Variants in FBXL7 observed in about 807,000 individuals in gnomAD.
FBXL7 encodes F-box and leucine rich repeat protein 7, also known as F-box/LRR-repeat protein 7.
FBXL7 carries 12 observed loss-of-function variants against 38.3 expected under a neutral mutation model. The ratio of observed to expected loss-of-function variants is 0.31; its 90% CI spans 0.20 to 0.51. The LOEUF is 0.51. Among genes scored for constraint, FBXL7 ranks in the 20% least tolerant of loss-of-function variants. The probability of loss-of-function intolerance (pLI) is 0.98; values close to 1 mark genes in which losing one functional copy is unlikely to be tolerated. For missense variants in FBXL7, 567 were observed against 676.4 expected (o/e 0.84, Z 1.79); for synonymous variants, 297 against 300.9 (o/e 0.99, Z 0.13).
intron 2 of FBXL7, among the ~76,000 whole-genome samples, chr5:15,618,857 CT>C (rs1740534273): frequency 6.6e-6 from 1 of 152,082 alleles, no homozygotes; most frequent in African/African-American, 2.4e-5. Flanking sequence ...AATAATTCGA[CT>C]GAGGGACATA....
intron 2 of FBXL7, among the ~76,000 whole-genome samples, chr5:15,640,135 C>A: frequency 6.6e-6 from 1 of 152,206 alleles, no homozygotes; most frequent in Middle Eastern, 3.4e-3. Flanking sequence ...AGTATAATAC[C>A]ACACGTTGGG....
At chr5:15,934,697 A>G (rs1275770688) in intron 3 of FBXL7, among the ~76,000 whole-genome samples, 3 of 152,302 alleles carry the variant, frequency 2.0e-5, no homozygotes, top group South Asian at 2.1e-4. Flanking sequence ...CTGTTTTTCA[A>G]TGTAGGTATA....
At chr5:15,750,277 C>G (rs999522683) in intron 2 of FBXL7, among the ~76,000 whole-genome samples, 1 of 152,198 alleles carries the variant, frequency 6.6e-6, no homozygotes. Flanking sequence ...TAATAAATTA[C>G]TCAACATTTC....
chr5:15,774,420 G>A (rs1042195002), intron 2 of FBXL7, among the ~76,000 whole-genome samples: 1 of 152,112 alleles, frequency 6.6e-6, no homozygotes, highest in African/African-American at 2.4e-5. Flanking sequence ...GGGTGGGGGG[G>A]CTACCATATA....
chr5:15,689,004 A>G (rs897726710), intron 2 of FBXL7, among the ~76,000 whole-genome samples: 2 of 152,166 alleles, frequency 1.3e-5, no homozygotes, highest in Non-Finnish European at 1.5e-5. Flanking sequence ...AGACAGAGCC[A>G]GTGAATCAGG....
chr5:15,735,913 C>G (rs1467982514), intron 2 of FBXL7, among the ~76,000 whole-genome samples: 2 of 152,132 alleles, frequency 1.3e-5, no homozygotes, highest in African/African-American at 2.4e-5. Context: ...GGTTTATCAA[C>G]TTAGAGGTCA....
intron 1 of FBXL7, among the ~76,000 whole-genome samples, chr5:15,614,572 C>G (rs1444224081): frequency 6.6e-6 from 1 of 152,184 alleles, no homozygotes; most frequent in Non-Finnish European, 1.5e-5. Context: ...GCCCATCCAG[C>G]AGTAGTTTTC....
chr5:15,920,256 C>CAA (rs59381588), intron 2 of FBXL7, among the ~76,000 whole-genome samples: 18 of 140,172 alleles, frequency 1.3e-4, no homozygotes, highest in African/African-American at 3.1e-4. Flanking sequence ...GACTCCATCT[C>CAA]AAAAAAAAAA....
At chr5:15,882,745 C>T (rs1240906278) in intron 2 of FBXL7, among the ~76,000 whole-genome samples, 3 of 152,170 alleles carry the variant, frequency 2.0e-5, no homozygotes, top group Admixed American at 6.5e-5. Flanking sequence ...GGGCACAGTT[C>T]ATTCTCCTTG....
intron 2 of FBXL7, among the ~76,000 whole-genome samples, chr5:15,767,853 A>G (rs1736629106): frequency 2.0e-5 from 3 of 152,230 alleles, no homozygotes; most frequent in Admixed American, 6.5e-5. Flanking sequence ...TTGTTCATAA[A>G]ATGTCTTTAG....
intron 2 of FBXL7, among the ~76,000 whole-genome samples, chr5:15,691,447 G>A (rs374267646): frequency 1.4e-4 from 22 of 152,272 alleles, no homozygotes; most frequent in African/African-American, 4.6e-4. Context: ...CTAACCTGCC[G>A]TCATTTGGCT....
intron 2 of FBXL7, among the ~76,000 whole-genome samples, chr5:15,703,864 A>G (rs1272412334): frequency 6.6e-6 from 1 of 152,246 alleles, no homozygotes; most frequent in Non-Finnish European, 1.5e-5. Flanking sequence ...AATGAACTAA[A>G]GACACAAAAT....
chr5:15,738,391 C>T (rs371445906), intron 2 of FBXL7, among the ~76,000 whole-genome samples: 3 of 152,134 alleles, frequency 2.0e-5, no homozygotes, highest in East Asian at 3.8e-4. Context: ...ATTGTAAGCC[C>T]TGATGTTTCA....
intron 2 of FBXL7, among the ~76,000 whole-genome samples, chr5:15,808,577 C>G (rs533939172): frequency 5.9e-5 from 9 of 152,282 alleles, no homozygotes; most frequent in African/African-American, 2.2e-4. Flanking sequence ...ACTTCTGTCC[C>G]TTTCTCTTCC....
chr5:15,713,882 G>A (rs922323237), intron 2 of FBXL7, among the ~76,000 whole-genome samples: 1 of 152,318 alleles, frequency 6.6e-6, no homozygotes, highest in African/African-American at 2.4e-5. Flanking sequence ...ACACTTAGCT[G>A]TACTTGATTT....
intron 2 of FBXL7, among the ~76,000 whole-genome samples, chr5:15,927,668 G>A (rs1347302979): frequency 6.6e-6 from 1 of 150,822 alleles, no homozygotes; most frequent in Non-Finnish European, 1.5e-5. Flanking sequence ...CCAGCTACTC[G>A]GGAGGCTGAG....
chr5:15,736,165 CA>C (rs1299498011), intron 2 of FBXL7, among the ~76,000 whole-genome samples: 1 of 152,152 alleles, frequency 6.6e-6, no homozygotes, highest in Non-Finnish European at 1.5e-5. Flanking sequence ...TTGCAAATTT[CA>C]GAACCCTTTT....
chr5:15,836,511 T>C (rs1738596365), intron 2 of FBXL7, among the ~76,000 whole-genome samples: 1 of 152,092 alleles, frequency 6.6e-6, no homozygotes, highest in Non-Finnish European at 1.5e-5. Flanking sequence ...AATGTTGGAA[T>C]AAAGATTTGC....
At chr5:15,522,060 C>G (rs564687241) in intron 1 of FBXL7, among the ~76,000 whole-genome samples, 1 of 152,156 alleles carries the variant, frequency 6.6e-6, no homozygotes, top group African/African-American at 2.4e-5. Context: ...AAATTTTATA[C>G]GTGTCTATGT....
Sources: allele counts gnomAD v4.1 joint callset (sites outside exome capture counted in the v4.1 genomes callset), GRCh38; gene constraint gnomAD v4.1.1; transcripts MANE v1.5; gene names NCBI Gene and HGNC (gene_info 2026-07-23, HGNC 2026-07-21).